The following TTLL7 variants were observed in gnomAD, a reference collection of about 807,000 sequenced individuals.
The protein encoded by TTLL7 is tubulin polyglutamylase TTLL7.
A neutral mutation model predicts 120.2 loss-of-function variants in TTLL7; 53 were observed. The observed-to-expected ratio is 0.44, with a 90% CI of 0.35 to 0.55. The LOEUF is 0.55. TTLL7 is among the 20% of genes least tolerant of loss of function. The pLI, the probability that TTLL7 is intolerant of heterozygous loss-of-function variation, is 0.00. For missense variants in TTLL7, 803 were observed against 1,054.7 expected, an observed-to-expected ratio of 0.76 and a Z score of 3.31; for synonymous variants, 353 against 351.7, an observed-to-expected ratio of 1.00 and a Z score of -0.04.
At chr1:83,932,430 G>A (rs1316960301) in intron 9 of TTLL7, among the ~76,000 whole-genome samples, 1 of 152,126 alleles carries the variant, frequency 6.6e-6, no homozygotes, top group Non-Finnish European at 1.5e-5. Flanking sequence ...CAAAGGATAA[G>A]TAAAACTTCC....
chr1:83,950,798 T>C (rs1648968807), intron 3 of TTLL7, among the ~76,000 whole-genome samples: 1 of 152,174 alleles, frequency 6.6e-6, no homozygotes, highest in Admixed American at 6.5e-5. Context: ...CTCTCTCATC[T>C]GTCACAGACC....
chr1:83,995,959 G>C (rs1343001102), intron 1 of TTLL7, among the ~76,000 whole-genome samples: 1 of 151,940 alleles, frequency 6.6e-6, no homozygotes, highest in Non-Finnish European at 1.5e-5. Flanking sequence ...TTTAAACCTA[G>C]TATTAAGCCA....
chr1:83,987,726 C>T (rs1652606796), intron 1 of TTLL7, among the ~76,000 whole-genome samples: 1 of 151,776 alleles, frequency 6.6e-6, no homozygotes, highest in Non-Finnish European at 1.5e-5. Flanking sequence ...TTTTGTGCAC[C>T]AAGGGACACA....
At chr1:83,923,826 A>T (rs954239770) in intron 10 of TTLL7, among the ~76,000 whole-genome samples, 1 of 152,294 alleles carries the variant, frequency 6.6e-6, no homozygotes, top group East Asian at 1.9e-4. Context: ...AGCATTTTCC[A>T]TTCAACTGTA....
chr1:83,900,076 T>C, intron 18 of TTLL7: 1 of 383,390 alleles, frequency 2.6e-6, no homozygotes, highest in Non-Finnish European at 5.1e-6. Context: ...TCACAAATAT[T>C]ATTAGTCACA....
chr1:83,972,113 T>G (rs1444547117), intron 1 of TTLL7, among the ~76,000 whole-genome samples: 1 of 152,060 alleles, frequency 6.6e-6, no homozygotes, highest in Non-Finnish European at 1.5e-5. Context: ...CATTGATATA[T>G]CATAATTACT....
chr1:83,878,923 A>G (rs560008993), intron 20 of TTLL7, among the ~76,000 whole-genome samples: 3 of 151,936 alleles, frequency 2.0e-5, no homozygotes, highest in Non-Finnish European at 4.4e-5. Context: ...TTTGGTAAAG[A>G]TAAACCTGGT....
intron 1 of TTLL7, among the ~76,000 whole-genome samples, chr1:83,964,666 C>A (rs1289950715): frequency 6.6e-6 from 1 of 152,078 alleles, no homozygotes; most frequent in African/African-American, 2.4e-5. Flanking sequence ...AAGTTCAGAG[C>A]TTTGCAGCTT....
intron 18 of TTLL7, among the ~76,000 whole-genome samples, chr1:83,903,514 A>G (rs1309529435): frequency 6.6e-6 from 1 of 152,030 alleles, no homozygotes; most frequent in Non-Finnish European, 1.5e-5. Flanking sequence ...AGCAAAATCC[A>G]TGGATGCTCA....
At chr1:83,930,774 GTGGAAT>G (rs1479942640) in intron 9 of TTLL7, among the ~76,000 whole-genome samples, 1 of 152,052 alleles carries the variant, frequency 6.6e-6, no homozygotes, top group Non-Finnish European at 1.5e-5. Context: ...AAATTTCAGT[GTGGAAT>G]TGTGCCAGGC....
chr1:83,940,871 T>C (rs576965434), intron 7 of TTLL7, among the ~76,000 whole-genome samples: 1 of 152,306 alleles, frequency 6.6e-6, no homozygotes, highest in Admixed American at 6.5e-5. Flanking sequence ...CTTTCATTTG[T>C]GTAAAACCTT....
intron 20 of TTLL7, among the ~76,000 whole-genome samples, chr1:83,876,800 T>G (rs1463909831): frequency 6.6e-6 from 1 of 152,058 alleles, no homozygotes; most frequent in Non-Finnish European, 1.5e-5. Flanking sequence ...TTAAATTCAC[T>G]TTATAATTTA....
intron 1 of TTLL7, chr1:83,984,324 T>C (rs996534399): frequency 3.3e-5 from 5 of 152,214 alleles, no homozygotes; most frequent in African/African-American, 4.8e-5. Flanking sequence ...CTGGTGGGAA[T>C]GTGAATTAGT....
rs536826671 is a variant in TTLL7 at position 83,994,426 on chromosome 1, A to G, written c.-177+4505T>C. On this transcript the variant is annotated intron_variant, in intron 1 of 20. Coordinates refer to ENST00000260505, the MANE Select transcript of TTLL7 (RefSeq NM_024686.6). ...ACCTGGAGGAGCAAGTCAGGAGCCC[A>G]AAGGACCCGTCCAACACTGGGCCCC... Among the ~76,000 whole-genome samples the G allele has an allele frequency of 1.2e-3, 181 of 152,330 alleles. 1 individual carries two copies. Among genetic ancestry groups the G allele is most frequent in the Middle Eastern group, 3.4e-3 (1 of 294 alleles).
At position 83,870,082 on chromosome 1, in the gene TTLL7, C is replaced by T; in HGVS notation, c.2544G>A (p.Arg848=). The part of the protein sequence containing the change: ...SGIGPDWGNS[R]YLLPGSTQFF... ...ATTGGGTGCTCCCTGGTAGTAAATA[C>T]CTAAAAATGATGGTTAACAAATTAG... The change falls in exon 21 of 21, where the codon AGG becomes AGA. Residue 848 remains arginine (R), a splice_region_variant and synonymous_variant. Transcript: ENST00000260505. The T allele has an allele frequency of 6.5e-7, 1 of 1,541,002 alleles. No individual in the cohort carries two copies. The highest frequency in any genetic ancestry group is 8.7e-7 in the Non-Finnish European group (1 of 1,153,140).
intron 10 of TTLL7, among the ~76,000 whole-genome samples, chr1:83,923,519 C>T (rs536844763): frequency 1.3e-5 from 2 of 152,078 alleles, no homozygotes; most frequent in African/African-American, 4.8e-5. Context: ...GACAAAGATA[C>T]TTATACACAA....
intron 1 of TTLL7, among the ~76,000 whole-genome samples, chr1:83,971,447 A>T (rs1486871754): frequency 6.6e-6 from 1 of 152,116 alleles, no homozygotes; most frequent in African/African-American, 2.4e-5. Flanking sequence ...ATAGTTGATT[A>T]TATTGTTCAT....
At chr1:83,993,584 A>C (rs1009435716) in intron 1 of TTLL7, among the ~76,000 whole-genome samples, 8 of 152,260 alleles carry the variant, frequency 5.3e-5, no homozygotes, top group African/African-American at 1.7e-4. Context: ...AAGAGCAAGC[A>C]ATGTGGATGG....
chr1:83,887,599 T>C (rs1398797146), intron 19 of TTLL7, among the ~76,000 whole-genome samples: 1 of 152,088 alleles, frequency 6.6e-6, no homozygotes, highest in African/African-American at 2.4e-5. Flanking sequence ...GTCTCAAAAC[T>C]ACTCCTGCCT....
Sources: gnomAD v4.1 joint callset for allele counts (sites outside exome capture counted in the v4.1 genomes callset) on GRCh38, gnomAD v4.1.1 for gene constraint, MANE v1.5 for transcripts, NCBI Gene and HGNC (gene_info 2026-07-23, HGNC 2026-07-21) for gene names.